Variants in CDH12 observed in about 807,000 individuals in gnomAD.
CDH12 encodes cadherin 12, also known as cadherin-12.
A neutral mutation model predicts 74.1 loss-of-function variants in CDH12; 41 were observed. That is an observed-to-expected ratio of 0.55 (90% CI 0.43 to 0.72). The LOEUF is 0.72. Among genes scored for constraint, CDH12 ranks in the 30% least tolerant of loss-of-function variants. The pLI, the probability that CDH12 is intolerant of heterozygous loss-of-function variation, is 0.00. For missense variants in CDH12, 945 were observed against 977.2 expected (o/e 0.97, Z 0.44); for synonymous variants, 399 against 355.0 (o/e 1.12, Z -1.39).
chr5:21,814,670 T>A (rs1391907365), intron 9 of CDH12, among the ~76,000 whole-genome samples: 1 of 150,408 alleles, frequency 6.6e-6, no homozygotes, highest in Non-Finnish European at 1.5e-5. Context: ...TATATAAACA[T>A]AAATATATAT....
rs188895026 is a variant in CDH12 at position 22,175,207 on chromosome 5, T to C, written c.-187+37291A>G. ...TTAGGTTTAATAGGGTTTCTAAACA[T>C]GCCTGGTTTAACAGATTATCAGTAT... On this transcript the variant is annotated intron_variant, in intron 4 of 14. Transcript: ENST00000382254. Among the ~76,000 whole-genome samples, 1,020 of 152,134 alleles carry C rather than the reference T, an allele frequency of 6.7e-3. 9 individuals carry two copies. Among genetic ancestry groups the C allele is most frequent in the African/African-American group, 0.023 (949 of 41,530 alleles).
At chr5:21,858,667 C>T (rs1469170446) in intron 6 of CDH12, among the ~76,000 whole-genome samples, 1 of 151,808 alleles carries the variant, frequency 6.6e-6, no homozygotes, top group Non-Finnish European at 1.5e-5. Context: ...TAGGGAAACA[C>T]CTTGAACAAA....
intron 1 of CDH12, among the ~76,000 whole-genome samples, chr5:22,839,581 G>T (rs1489468641): frequency 6.6e-6 from 1 of 151,704 alleles, no homozygotes; most frequent in Non-Finnish European, 1.5e-5. Flanking sequence ...GGTCTTGAAC[G>T]CCTGACACAT....
chr5:22,753,424 G>A (rs956556611), intron 1 of CDH12, among the ~76,000 whole-genome samples: 13 of 149,264 alleles, frequency 8.7e-5, no homozygotes, highest in Admixed American at 6.7e-5. Flanking sequence ...GAGACAGAGC[G>A]AGACTGTGTC....
At chr5:22,289,146 C>G (rs945656031) in intron 3 of CDH12, among the ~76,000 whole-genome samples, 3 of 152,158 alleles carry the variant, frequency 2.0e-5, no homozygotes, top group Non-Finnish European at 4.4e-5. Context: ...GAAGCATTTT[C>G]TTTGAGCCTT....
intron 4 of CDH12, among the ~76,000 whole-genome samples, chr5:22,113,918 C>A (rs564800396): frequency 6.6e-6 from 1 of 152,262 alleles, no homozygotes; most frequent in Middle Eastern, 3.4e-3. Flanking sequence ...ACTCTGACTT[C>A]AGCCAATCAG....
At chr5:21,796,107 A>G (rs1356167039) in intron 10 of CDH12, among the ~76,000 whole-genome samples, 1 of 152,062 alleles carries the variant, frequency 6.6e-6, no homozygotes, top group Admixed American at 6.6e-5. Flanking sequence ...TAGAAAGATC[A>G]TTAAACAAAA....
chr5:22,465,167 G>A (rs1485856898), intron 2 of CDH12, among the ~76,000 whole-genome samples: 6 of 152,166 alleles, frequency 3.9e-5, no homozygotes, highest in Non-Finnish European at 5.9e-5. Context: ...TCCAGGCCTC[G>A]TTTTGTATAT....
intron 3 of CDH12, among the ~76,000 whole-genome samples, chr5:22,342,772 C>T (rs1458539395): frequency 1.5e-5 from 2 of 135,540 alleles, no homozygotes; most frequent in East Asian, 4.5e-4. Context: ...CTCCCTTCCT[C>T]ACTTCCTTCC....
chr5:22,828,081 G>C (rs563023749), intron 1 of CDH12, among the ~76,000 whole-genome samples: 1 of 152,108 alleles, frequency 6.6e-6, no homozygotes, highest in Non-Finnish European at 1.5e-5. Context: ...CGGTTTCATT[G>C]TGGGATCCAG....
At chr5:22,654,783 AC>A (rs1397016237) in intron 1 of CDH12, among the ~76,000 whole-genome samples, 1 of 150,800 alleles carries the variant, frequency 6.6e-6, no homozygotes, top group African/African-American at 2.4e-5. Flanking sequence ...GGCATGCACC[AC>A]CAAGCTGGGC....
chr5:21,804,644 ACACACACAC>A lies in CDH12; in HGVS notation c.1003-2233_1003-2225del, dbSNP rs1325130204. Among the ~76,000 whole-genome samples the A allele has an allele frequency of 1.1e-4, 6 of 56,482 alleles. 1 individual carries two copies. The East Asian group carries it at 2.0e-3, about 18-fold the overall frequency. The allele number at this position is 56,482 out of a possible 152,430, so 37.1% of individuals were successfully genotyped here. ...TAAAATCATTCTATAGTGAATTAAA[ACACACACAC>A]ACACACACACACACACACACACACA... is the stretch of plus-strand genomic sequence containing the variant. On this transcript the variant is annotated intron_variant, in intron 9 of 14. Coordinates refer to ENST00000382254, the MANE Select transcript of CDH12 (RefSeq NM_004061.5).
intron 3 of CDH12, among the ~76,000 whole-genome samples, chr5:22,293,542 C>T (rs1227411897): frequency 6.6e-6 from 1 of 152,078 alleles, no homozygotes; most frequent in African/African-American, 2.4e-5. Context: ...GCATTATTCA[C>T]ATTAGCCAAG....
chr5:21,889,878 C>T, intron 6 of CDH12: 2 of 984,850 alleles, frequency 2.0e-6, no homozygotes, highest in Non-Finnish European at 2.4e-6. Context: ...AGCTGCTTTT[C>T]TTAGCATATA....
intron 1 of CDH12, among the ~76,000 whole-genome samples, chr5:22,801,899 T>A (rs1748548507): frequency 1.3e-5 from 2 of 151,434 alleles, no homozygotes; most frequent in African/African-American, 4.8e-5. Context: ...ATTTACTCTA[T>A]CCTTACTTCC....
intron 3 of CDH12, among the ~76,000 whole-genome samples, chr5:22,293,099 T>C (rs1358470086): frequency 6.6e-6 from 1 of 152,112 alleles, no homozygotes; most frequent in African/African-American, 2.4e-5. Flanking sequence ...AAAACCCACG[T>C]CTGTTCCTTA....
intron 1 of CDH12, among the ~76,000 whole-genome samples, chr5:22,573,978 A>G (rs1188624384): frequency 1.3e-5 from 2 of 151,240 alleles, no homozygotes; most frequent in Non-Finnish European, 2.9e-5. Flanking sequence ...AGTGCAAAAG[A>G]CTTATTTGCT....
At chr5:22,626,232 C>T (rs1277241365) in intron 1 of CDH12, among the ~76,000 whole-genome samples, 1 of 152,202 alleles carries the variant, frequency 6.6e-6, no homozygotes, top group Non-Finnish European at 1.5e-5. Context: ...GTGCCCTGCC[C>T]CCAGCTGACA....
At chr5:22,224,114 A>G (rs1407021905) in intron 3 of CDH12, among the ~76,000 whole-genome samples, 1 of 152,004 alleles carries the variant, frequency 6.6e-6, no homozygotes, top group Admixed American at 6.6e-5. Flanking sequence ...AACTTTCCGT[A>G]AATTAAGTGT....
Sources: gnomAD v4.1 joint callset for allele counts (sites outside exome capture counted in the v4.1 genomes callset) on GRCh38, gnomAD v4.1.1 for gene constraint, MANE v1.5 for transcripts, NCBI Gene and HGNC (gene_info 2026-07-23, HGNC 2026-07-21) for gene names.